Variants in RELN observed in about 807,000 individuals in gnomAD.
The protein encoded by RELN is reelin.
In RELN, 108 loss-of-function variants were observed where a neutral mutation model predicts 427.6. That is an observed-to-expected ratio of 0.25 (90% CI 0.22 to 0.30). RELN has a LOEUF of 0.30. Ranked by LOEUF, RELN falls within the 10% of genes least tolerant of loss-of-function variation. RELN has a pLI of 1.00. For missense variants in RELN, 3,715 were observed against 4,302.8 expected (o/e 0.86, Z 3.82); for synonymous variants, 1,524 against 1,513.4 (o/e 1.01, Z -0.16).
intron 2 of RELN, among the ~76,000 whole-genome samples, chr7:103,907,103 T>C (rs549201894): frequency 1.3e-5 from 2 of 152,094 alleles, no homozygotes; most frequent in African/African-American, 4.8e-5. Flanking sequence ...AGGATAAACC[T>C]TGAAAACATA....
intron 12 of RELN, among the ~76,000 whole-genome samples, chr7:103,660,435 T>C (rs182542751): frequency 1.2e-4 from 19 of 152,316 alleles, no homozygotes; most frequent in Admixed American, 4.6e-4. Context: ...AAACACATAA[T>C]TATGGAAAAT....
chr7:103,798,400 C>T (rs1430595084), intron 3 of RELN, among the ~76,000 whole-genome samples: 4 of 152,086 alleles, frequency 2.6e-5, no homozygotes, highest in Non-Finnish European at 4.4e-5. Context: ...AATAATGAGG[C>T]CTACCTGTTA....
At chr7:103,516,406 C>G (rs1352156362) in intron 49 of RELN, among the ~76,000 whole-genome samples, 1 of 152,074 alleles carries the variant, frequency 6.6e-6, no homozygotes, top group Non-Finnish European at 1.5e-5. Flanking sequence ...CTGCCTCAGC[C>G]TCCCGAGTAG....
Position 103,650,376 on chromosome 7 carries a change from G to A in RELN, c.1900C>T (p.Arg634Ter). 6.2e-7 allele frequency: 1 copy of A among 1,601,990 alleles called. No homozygotes were observed. The highest frequency in any genetic ancestry group is 8.6e-7 in the Non-Finnish European group (1 of 1,169,352). The change falls in exon 16 of 65, where the codon CGA becomes TGA. Residue 634 changes from arginine (R) to a stop codon, truncating the protein, a stop_gained. Transcript: ENST00000428762. LOFTEE classifies it high-confidence loss of function. ...GCGTTAGGAAGGGGAATTGTTATTC[G>A]GTTCCACCTGCAAGAAATTTAGCAC... ...YSSENYSGWN[R>*]ITIPLPNAAL...
At chr7:103,860,787 A>G (rs1333497629) in intron 2 of RELN, among the ~76,000 whole-genome samples, 1 of 152,196 alleles carries the variant, frequency 6.6e-6, no homozygotes, top group African/African-American at 2.4e-5. Context: ...TATTATCATC[A>G]TCATCATCAT....
chr7:103,884,838 G>A (rs1584331236), intron 2 of RELN, among the ~76,000 whole-genome samples: 2 of 152,154 alleles, frequency 1.3e-5, no homozygotes, highest in Admixed American at 1.3e-4. Flanking sequence ...GTTGGTGGGA[G>A]TGTAAACTAG....
At chr7:103,756,617 A>T (rs533322247) in intron 4 of RELN, among the ~76,000 whole-genome samples, 1 of 152,196 alleles carries the variant, frequency 6.6e-6, no homozygotes, top group Non-Finnish European at 1.5e-5. Flanking sequence ...ACCTTTAAAA[A>T]ATGCCAGAAT....
At position 103,989,050 on chromosome 7, in the gene RELN, T is replaced by A; in HGVS notation, c.226+81A>T. On this transcript the variant is annotated intron_variant, in intron 1 of 64. Transcript: ENST00000428762. This position sits in a 1 kb window ranked among gnomAD's most constrained non-coding sequence, Gnocchi z 4.9. ...TCATGGTTCTTGTTTCCAAGGCCCC[T>A]TGGAAGAAGGAAAGGGATGAGAAAG... is the stretch of plus-strand genomic sequence containing the variant. 1 of 1,301,458 alleles carries A rather than the reference T, an allele frequency of 7.7e-7. No homozygotes were observed. The allele number at this position is 1,301,458 out of a possible 1,614,324, so 80.6% of individuals were successfully genotyped here.
intron 4 of RELN, among the ~76,000 whole-genome samples, chr7:103,754,969 G>C (rs1791097375): frequency 6.6e-6 from 1 of 152,128 alleles, no homozygotes; most frequent in South Asian, 2.1e-4. Flanking sequence ...TATCTACGAA[G>C]AACATCCTGC....
At chr7:103,789,199 T>C (rs114944296) in intron 3 of RELN, among the ~76,000 whole-genome samples, 32 of 152,282 alleles carry the variant, frequency 2.1e-4, no homozygotes, top group African/African-American at 7.2e-4. Context: ...TCAAGATGAA[T>C]TAAAGATTTT....
chr7:103,716,884 G>T (rs1789951302), intron 8 of RELN, among the ~76,000 whole-genome samples: 1 of 152,184 alleles, frequency 6.6e-6, no homozygotes, highest in African/African-American at 2.4e-5. Context: ...AGTTTTCATG[G>T]AGGAGTGGTG....
chr7:103,682,079 T>G, intron 11 of RELN, 37 bp downstream of exon 11: 2 of 1,597,366 alleles, frequency 1.3e-6, no homozygotes, highest in Non-Finnish European at 1.7e-6. Flanking sequence ...TAAATGTAAG[T>G]GCTACATACA....
chr7:103,842,668 A>C (rs1461121412), intron 2 of RELN, among the ~76,000 whole-genome samples: 1 of 152,216 alleles, frequency 6.6e-6, no homozygotes, highest in Non-Finnish European at 1.5e-5. Context: ...TTTTCAAAGC[A>C]CTGATTTGAT....
rs115454772 is a variant in RELN at position 103,735,834 on chromosome 7, C to T, written c.657-7627G>A. On this transcript the variant is annotated intron_variant, in intron 6 of 64. Coordinates refer to ENST00000428762, the MANE Select transcript of RELN (RefSeq NM_005045.4). ...TGCCACTGAAGGAGTCAGTGTCTGA[C>T]GATCAGCTCCACCAGAAGCAATCTG... 8.2e-3 allele frequency among the ~76,000 whole-genome samples: 1,248 copies of T among 152,272 alleles called. 23 individuals are homozygous for T. The highest frequency in any genetic ancestry group is 0.028 in the African/African-American group (1,173 of 41,536).
chr7:103,490,582 ACACTGTCAGTTGTTTTCAGCT>A (rs1168783429), intron 59 of RELN, 65 bp downstream of exon 59: 5 of 1,403,682 alleles, frequency 3.6e-6, no homozygotes, highest in Non-Finnish European at 5.1e-6. Context: ...GCTCTGCCTC[ACACTGTCAGTTGTTTTCAGCT>A]CACTGCATGA....
At chr7:103,853,958 T>A (rs574553263) in intron 2 of RELN, among the ~76,000 whole-genome samples, 1 of 152,070 alleles carries the variant, frequency 6.6e-6, no homozygotes, top group African/African-American at 2.4e-5. Flanking sequence ...TTCAAAAAGC[T>A]AGAAGAAGGG....
chr7:103,965,721 C>T (rs900029949), intron 1 of RELN, among the ~76,000 whole-genome samples: 8 of 152,178 alleles, frequency 5.3e-5, no homozygotes, highest in African/African-American at 1.9e-4. Context: ...CAGATCTTTT[C>T]TCTTTCTGCC....
chr7:103,727,400 C>T (rs930468647), intron 7 of RELN, among the ~76,000 whole-genome samples: 5 of 151,974 alleles, frequency 3.3e-5, no homozygotes, highest in African/African-American at 1.2e-4. Flanking sequence ...ATATTATTTT[C>T]CAGAAGGTAA....
intron 2 of RELN, among the ~76,000 whole-genome samples, chr7:103,878,457 T>C (rs1245980987): frequency 6.6e-6 from 1 of 152,186 alleles, no homozygotes. Flanking sequence ...CTCAGAACTG[T>C]TCCTGAGAAG....
Sources: gnomAD v4.1 joint callset for allele counts (sites outside exome capture counted in the v4.1 genomes callset) on GRCh38, gnomAD v4.1.1 for gene constraint, Gnocchi (gnomAD v3.1) non-coding constraint, MANE v1.5 for transcripts, NCBI Gene and HGNC (gene_info 2026-07-23, HGNC 2026-07-21) for gene names.